MYPN: variants seen among roughly 807,000 people sequenced by gnomAD.
The protein encoded by MYPN is myopalladin.
Under a neutral mutation model 129.4 loss-of-function variants are expected in MYPN, and 63 were observed. The observed-to-expected ratio is 0.49, with a 90% CI of 0.40 to 0.60. The LOEUF (loss-of-function observed/expected upper bound fraction) is 0.60. Among genes scored for constraint, MYPN ranks in the 20% least tolerant of loss-of-function variants. MYPN has a pLI of 0.00. For synonymous variants in MYPN, 629 were observed against 600.9 expected (o/e 1.05, Z -0.68); for missense variants, 1,596 against 1,635.4 (o/e 0.98, Z 0.42).
chr10:68,091,104 G>C (rs1031144484), intron 1 of MYPN, among the ~76,000 whole-genome samples: 4 of 151,952 alleles, frequency 2.6e-5, no homozygotes, highest in Admixed American at 2.0e-4. Context: ...TTTTCTTTAC[G>C]AGGAAACTTA....
chr10:68,147,487 G>A (rs12570722), intron 4 of MYPN, among the ~76,000 whole-genome samples: 9,240 of 152,194 alleles, frequency 0.061, 431 homozygotes, highest in East Asian at 0.17. Flanking sequence ...TTTTAGAGAT[G>A]AGGAAGCTGA....
In MYPN at chr10:68,211,103, T is replaced by C. The variant is rs1381603007; in HGVS notation, c.*648T>C. On this transcript the variant is annotated 3_prime_UTR_variant, in exon 20 of 20. Coordinates refer to ENST00000358913, the MANE Select transcript of MYPN (RefSeq NM_032578.4). ...TGCTGAAACACTTGATATTGCACAGTGCACTTATTTTGTGGCCAAAGCATG... is the reference window on the plus strand; with the variant it reads ...TGCTGAAACACTTGATATTGCACAGCGCACTTATTTTGTGGCCAAAGCATG... The C allele has an allele frequency of 2.2e-6, 1 of 454,144 alleles. No homozygotes were observed. Among genetic ancestry groups the C allele is most frequent in the South Asian group, 1.6e-5 (1 of 64,482 alleles). 28.1% of individuals were successfully genotyped at this position (454,144 alleles called of 1,614,324 possible). A position where few individuals can be genotyped will look rare whatever the true frequency, so the allele number is the denominator to read the frequency against.
intron 8 of MYPN, among the ~76,000 whole-genome samples, chr10:68,164,343 A>G (rs7895717): frequency 0.4 from 60,691 of 152,054 alleles, 14,103 homozygotes; most frequent in Non-Finnish European, 0.52. Flanking sequence ...CCCACTCCCA[A>G]GATAACAACA....
intron 18 of MYPN, among the ~76,000 whole-genome samples, chr10:68,204,070 T>A (rs1303971793): frequency 1.3e-5 from 2 of 152,194 alleles, no homozygotes; most frequent in African/African-American, 2.4e-5. Flanking sequence ...GTGCCCCTGC[T>A]TCCTCCCCAG....
In MYPN at chr10:68,136,821, T is replaced by C. The variant is rs2042494363; in HGVS notation, c.903-6119T>C. 1.4e-5 allele frequency: 19 copies of C among 1,338,064 alleles called. No homozygotes were observed. In the East Asian group the frequency reaches 4.3e-4, roughly 30 times the overall value. 82.9% of individuals were successfully genotyped at this position (1,338,064 alleles called of 1,614,324 possible). ...ATTAGTTTTGAAATAGCTATTGATA[T>C]TTGTTTTATCAAGTTAATAGAGTTA... On this transcript the variant is annotated intron_variant, in intron 2 of 19. Transcript: ENST00000358913.
At chr10:68,163,328 G>A (rs2134157866) in intron 8 of MYPN, among the ~76,000 whole-genome samples, 1 of 151,966 alleles carries the variant, frequency 6.6e-6, no homozygotes, top group African/African-American at 2.4e-5. Context: ...TCTAATGTTA[G>A]AAATCCTGTC....
chr10:68,199,622 A>G, intron 17 of MYPN, 47 bp downstream of exon 17: 1 of 1,580,198 alleles, frequency 6.3e-7, no homozygotes, highest in South Asian at 1.1e-5. Flanking sequence ...CTCCAAAGTC[A>G]TTACCCAAAG....
At chr10:68,136,306 C>A in intron 2 of MYPN, 3 of 978,974 alleles carry the variant, frequency 3.1e-6, no homozygotes, top group Non-Finnish European at 3.7e-6. Flanking sequence ...CCTATTTATC[C>A]CAATCATTGA....
At chr10:68,126,604 T>A (rs1303090149) in intron 2 of MYPN, among the ~76,000 whole-genome samples, 9 of 152,130 alleles carry the variant, frequency 5.9e-5, no homozygotes, top group African/African-American at 2.2e-4. Context: ...GCGAGCAATG[T>A]TTAGAAGAAA....
At chr10:68,182,513 A>T (rs1485783131) in intron 12 of MYPN, among the ~76,000 whole-genome samples, 39 of 131,240 alleles carry the variant, frequency 3.0e-4, no homozygotes, top group African/African-American at 1.1e-3. Flanking sequence ...TATATATGGC[A>T]TTTTTTTTTT....
At chr10:68,157,257 T>G (rs1001902339) in intron 6 of MYPN, among the ~76,000 whole-genome samples, 4 of 152,220 alleles carry the variant, frequency 2.6e-5, no homozygotes, top group African/African-American at 9.6e-5. Flanking sequence ...GTGATTGCTT[T>G]TATTCCTCAA....
chr10:68,092,830 C>T lies in MYPN; in HGVS notation c.-2+4838C>T, dbSNP rs565204279. 1.8e-4 allele frequency among the ~76,000 whole-genome samples: 27 copies of T among 152,118 alleles called. No homozygotes were observed. In the South Asian group the frequency reaches 5.2e-3, roughly 29 times the overall value. ...AAGCAAAACAGTTTTCCTCATTTTT[C>T]GTTAACTGAAAAGGTGAGGTAACTG... is the stretch of plus-strand genomic sequence containing the variant. On this transcript the variant is annotated intron_variant, in intron 1 of 6. Coordinates refer to the MYPN transcript ENST00000685154.
intron 1 of MYPN, among the ~76,000 whole-genome samples, chr10:68,091,471 T>C (rs1234979884): frequency 7.0e-6 from 1 of 142,454 alleles, no homozygotes; most frequent in African/African-American, 2.6e-5. Context: ...CTCGGCTCAC[T>C]GCAACCTCCA....
At chr10:68,195,658 C>T in intron 15 of MYPN, 126 bp downstream of exon 15, 1 of 785,742 alleles carries the variant, frequency 1.3e-6, no homozygotes, top group Middle Eastern at 2.5e-4. Flanking sequence ...GCACTAGCAT[C>T]ACCTGGGCGT....
chr10:68,171,527 T>C (rs369280981), intron 10 of MYPN, among the ~76,000 whole-genome samples: 1 of 152,356 alleles, frequency 6.6e-6, no homozygotes, highest in East Asian at 1.9e-4. Context: ...CAGAGGATTC[T>C]GAGGCCCAGT....
chr10:68,145,050 GT>G, intron 3 of MYPN, among the ~76,000 whole-genome samples: 1 of 150,852 alleles, frequency 6.6e-6, no homozygotes, highest in East Asian at 1.9e-4. Flanking sequence ...TTGAGACGGA[GT>G]TTTGCTTTTG....
chr10:68,135,338 A>G (rs1405758617), intron 2 of MYPN: 1 of 217,884 alleles, frequency 4.6e-6, no homozygotes, highest in Non-Finnish European at 7.8e-6. Flanking sequence ...GAACATGGAC[A>G]TGAAGACTTA....
chr10:68,182,168 A>T (rs1441245350), intron 12 of MYPN, among the ~76,000 whole-genome samples: 3 of 149,960 alleles, frequency 2.0e-5, no homozygotes, highest in African/African-American at 7.3e-5. Context: ...TCTGATTACA[A>T]TCTAGTTACA....
intron 1 of MYPN, among the ~76,000 whole-genome samples, chr10:68,118,901 G>A (rs2042198061): frequency 6.7e-6 from 1 of 148,482 alleles, no homozygotes. Context: ...AAGGAAGGAA[G>A]GAAGGAAGGA....
Sources: gnomAD v4.1 joint callset for allele counts (sites outside exome capture counted in the v4.1 genomes callset) on GRCh38, gnomAD v4.1.1 for gene constraint, MANE v1.5 for transcripts, NCBI Gene and HGNC (gene_info 2026-07-23, HGNC 2026-07-21) for gene names.